NR2F1-AS1: variants seen among roughly 807,000 people sequenced by gnomAD.
NR2F1-AS1 encodes the protein NR2F1 antisense RNA 1.
chr5:93,490,549 G>A (rs1190600006), intron 4 of NR2F1-AS1, among the ~76,000 whole-genome samples: 1 of 151,290 alleles, frequency 6.6e-6, no homozygotes, highest in East Asian at 1.9e-4. Flanking sequence ...CAGTGGTGGT[G>A]GTGGTCATGG....
upstream of NR2F1-AS1, among the ~76,000 whole-genome samples, chr5:93,581,768 CCTCT>C (rs1561519615): frequency 2.5e-4 from 1 of 3,986 alleles, no homozygotes; most frequent in African/African-American, 7.0e-4. Flanking sequence ...CTCCTCTCTC[CCTCT>C]CCCTCTCCCT....
At chr5:93,486,360 A>G (rs1309286656) in intron 4 of NR2F1-AS1, among the ~76,000 whole-genome samples, 1 of 152,088 alleles carries the variant, frequency 6.6e-6, no homozygotes, top group Admixed American at 6.6e-5. Flanking sequence ...AGACTAATAC[A>G]GAAGAAAAGA....
chr5:93,434,930 T>C (rs1749403374), intron 4 of NR2F1-AS1, among the ~76,000 whole-genome samples: 1 of 152,234 alleles, frequency 6.6e-6, no homozygotes, highest in Admixed American at 6.5e-5. Flanking sequence ...TATTGGTTTG[T>C]CCAATTATTG....
intron 1 of NR2F1-AS1, among the ~76,000 whole-genome samples, chr5:93,580,258 G>A (rs182801144): frequency 1.5e-4 from 23 of 152,370 alleles, no homozygotes; most frequent in Non-Finnish European, 2.9e-4. Context: ...AGGCGCGGCG[G>A]CCGCGATCCT....
At chr5:93,501,133 G>C (rs1460915586) in intron 4 of NR2F1-AS1, among the ~76,000 whole-genome samples, 1 of 152,048 alleles carries the variant, frequency 6.6e-6, no homozygotes, top group Non-Finnish European at 1.5e-5. Context: ...GATGACTGAG[G>C]GGTTCAAGAT....
intron 4 of NR2F1-AS1, among the ~76,000 whole-genome samples, chr5:93,486,170 G>A (rs1472808025): frequency 6.9e-6 from 1 of 143,950 alleles, no homozygotes; most frequent in Non-Finnish European, 1.5e-5. Flanking sequence ...GCTAGATGAC[G>A]AGTTAGTGGG....
At chr5:93,515,758 T>C (rs1243850215) in intron 4 of NR2F1-AS1, among the ~76,000 whole-genome samples, 4 of 151,844 alleles carry the variant, frequency 2.6e-5, no homozygotes, top group African/African-American at 9.7e-5. Flanking sequence ...GATGATTGAA[T>C]AGAGATAATG....
In NR2F1-AS1 at chr5:93,508,428, GA is replaced by G. The variant is rs771786415; in HGVS notation, n.638+45332del. On this transcript the variant is annotated intron_variant and non_coding_transcript_variant, in intron 4 of 5. Coordinates refer to ENST00000660523, the Ensembl canonical transcript of NR2F1-AS1. ...ATACTGAGAAAATTAGTTACATACG[GA>G]AAAAAAATTAGACCATCTCGCAAAA... Among the ~76,000 whole-genome samples the G allele has an allele frequency of 8.6e-5, 13 of 151,882 alleles. No individual in the cohort carries two copies. In the East Asian group the frequency reaches 2.1e-3, roughly 25 times the overall value.
intron 4 of NR2F1-AS1, chr5:93,438,653 TA>T (rs1186249950): frequency 1.3e-5 from 2 of 152,260 alleles, no homozygotes; most frequent in African/African-American, 4.8e-5. Flanking sequence ...TTTGACAGGA[TA>T]AAGTCCAAGC....
At chr5:93,561,813 C>T (rs966260368) in intron 2 of NR2F1-AS1, among the ~76,000 whole-genome samples, 1 of 151,974 alleles carries the variant, frequency 6.6e-6, no homozygotes, top group Non-Finnish European at 1.5e-5. Context: ...TATACACATA[C>T]ATATTTATGA....
intron 4 of NR2F1-AS1, among the ~76,000 whole-genome samples, chr5:93,526,501 C>T (rs1751618248): frequency 6.6e-6 from 1 of 152,070 alleles, no homozygotes; most frequent in South Asian, 2.1e-4. Flanking sequence ...TTTATGAGAC[C>T]AGGGTCATCC....
intron 4 of NR2F1-AS1, among the ~76,000 whole-genome samples, chr5:93,501,738 T>C (rs539349141): frequency 9.2e-5 from 14 of 152,338 alleles, no homozygotes; most frequent in Non-Finnish European, 1.6e-4. Flanking sequence ...CAACAAAGTA[T>C]TTGAAATATT....
At chr5:93,477,450 T>C (rs1750509071) in intron 4 of NR2F1-AS1, among the ~76,000 whole-genome samples, 1 of 152,210 alleles carries the variant, frequency 6.6e-6, no homozygotes. Flanking sequence ...TTTCATGATA[T>C]AGCTAATATT....
chr5:93,469,354 C>T (rs536935220), intron 4 of NR2F1-AS1, among the ~76,000 whole-genome samples: 4 of 152,182 alleles, frequency 2.6e-5, no homozygotes, highest in East Asian at 1.9e-4. Context: ...TATATCTAAA[C>T]ATAGAAAAGG....
chr5:93,540,503 C>A (rs1751925969), intron 4 of NR2F1-AS1, among the ~76,000 whole-genome samples: 1 of 152,194 alleles, frequency 6.6e-6, no homozygotes, highest in South Asian at 2.1e-4. Flanking sequence ...GGAATCTTAT[C>A]TGCTTGCCAG....
At chr5:93,581,772 TCCCTC>T (rs1753070204), upstream of NR2F1-AS1, among the ~76,000 whole-genome samples, 1 of 9,892 alleles carries the variant, frequency 1.0e-4, no homozygotes, top group East Asian at 4.6e-3. Flanking sequence ...TCTCTCCCTC[TCCCTC>T]TCCCTCTCCC....
intron 4 of NR2F1-AS1, among the ~76,000 whole-genome samples, chr5:93,433,970 G>A (rs367997697): frequency 6.6e-6 from 1 of 152,004 alleles, no homozygotes; most frequent in African/African-American, 2.4e-5. Context: ...GAGCCCTCAG[G>A]CCAAGTGTAG....
chr5:93,526,407 A>G (rs1288275042), intron 4 of NR2F1-AS1, among the ~76,000 whole-genome samples: 1 of 152,230 alleles, frequency 6.6e-6, no homozygotes, highest in Middle Eastern at 3.2e-3. Flanking sequence ...GACGAATTCT[A>G]GCAGAGGTAC....
chr5:93,569,490 G>A (rs1458694874), intron 1 of NR2F1-AS1, among the ~76,000 whole-genome samples: 2 of 152,186 alleles, frequency 1.3e-5, no homozygotes, highest in African/African-American at 4.8e-5. Context: ...CCCTGACTTT[G>A]AAGAAATGGA....
Sources: gnomAD v4.1 joint callset for allele counts (sites outside exome capture counted in the v4.1 genomes callset) on GRCh38, gnomAD v4.1.1 for gene constraint, MANE v1.5 for transcripts, NCBI Gene and HGNC (gene_info 2026-07-23, HGNC 2026-07-21) for gene names.